Variants in SLC19A1 observed in about 807,000 individuals in gnomAD.
SLC19A1 encodes solute carrier family 19 member 1.
A neutral mutation model predicts 35.3 loss-of-function variants in SLC19A1; 37 were observed. That is an observed-to-expected ratio of 1.05 (90% CI 0.81 to 1.38). The LOEUF (loss-of-function observed/expected upper bound fraction) is 1.38, where lower values mean the gene tolerates loss of function less well. Ranked by LOEUF, SLC19A1 falls within the 40% of genes most tolerant of loss-of-function variation. The probability of loss-of-function intolerance (pLI) is 0.00; values close to 1 mark genes in which losing one functional copy is unlikely to be tolerated. For missense variants in SLC19A1, 831 were observed against 826.9 expected (o/e 1.00, Z -0.06); for synonymous variants, 460 against 398.5 (o/e 1.15, Z -1.84).
Position 45,531,534 on chromosome 21 carries a change from GC to G in SLC19A1, c.803del (p.Arg268ProfsTer60). On this transcript the variant is annotated frameshift_variant, in exon 3 of 6. Transcript: ENST00000311124. LOFTEE classifies it high-confidence loss of function. ...TGAAGACCCACCAGAGGGACCACAG[GC>G]GCAGCTGCGGCCGCCGCAGGCTGTC... is the stretch of plus-strand genomic sequence containing the variant. ...LGDSLRRPQL[R>X]LWSLWWVFNS... 6.2e-7 allele frequency: 1 copy of G among 1,612,560 alleles called. No individual in the cohort carries two copies. The highest frequency in any genetic ancestry group is 8.5e-7 in the Non-Finnish European group (1 of 1,179,738).
chr21:45,530,093 GTGTC>G lies in SLC19A1; in HGVS notation c.1151+673_1151+676del, dbSNP rs1424088513. On this transcript the variant is annotated intron_variant, in intron 4 of 5. Transcript: ENST00000311124. This position sits in a 1 kb window ranked among gnomAD's most constrained non-coding sequence, Gnocchi z 5.3. Reference sequence around the variant, plus strand: ...CATGTGGTGTGTGTTCGTGTGTGGTGTGTCTGTGTGGTGTATCCATCTGTGAGCG... The same window carrying G: ...CATGTGGTGTGTGTTCGTGTGTGGTGTGTGTGGTGTATCCATCTGTGAGCG... Among the ~76,000 whole-genome samples, 2 of 150,188 alleles carry G rather than the reference GTGTC, an allele frequency of 1.3e-5. No individual in the cohort carries two copies. Among genetic ancestry groups the G allele is most frequent in the Non-Finnish European group, 3.0e-5 (2 of 67,580 alleles).
chr21:45,537,662 C>T, intron 2 of SLC19A1, 109 bp downstream of exon 2: 1 of 1,055,660 alleles, frequency 9.5e-7, no homozygotes, highest in Non-Finnish European at 1.3e-6. Flanking sequence ...GCTCCCTGCC[C>T]ACCCACTGGC....
In SLC19A1 at chr21:45,515,841, C is replaced by T. The variant is rs758254807; in HGVS notation, c.1593G>A (p.Pro531=). Residue 531 remains proline (P), a synonymous_variant, in exon 6 of 6, where the codon CCG becomes CCA. Coordinates refer to ENST00000311124, the MANE Select transcript of SLC19A1 (RefSeq NM_194255.4). ...SDPYLAQAPA[P]QAAEFLSPVT... ...CTGGGCTCAGGAATTCAGCTGCCTGCGGGGCCGGGGCCTGGGCCAGGTATG... is the reference window on the plus strand; with the variant it reads ...CTGGGCTCAGGAATTCAGCTGCCTGTGGGGCCGGGGCCTGGGCCAGGTATG... The T allele has an allele frequency of 1.6e-5, 26 of 1,600,530 alleles. No homozygotes were observed. Among genetic ancestry groups the T allele is most frequent in the South Asian group, 4.5e-5 (4 of 89,644 alleles).
rs542309284 is a variant in SLC19A1, at chr21:45,550,421, C to T, written c.-50+12321G>A. ...TCTTCCCATGGGCCACCTGCCACCCCGTCCACAAGCACAAGTGAACGTTTC... is the reference window on the plus strand; with the variant it reads ...TCTTCCCATGGGCCACCTGCCACCCTGTCCACAAGCACAAGTGAACGTTTC... On this transcript the variant is annotated intron_variant, in intron 1 of 5. Coordinates refer to the SLC19A1 transcript ENST00000650808. Among the ~76,000 whole-genome samples the T allele has an allele frequency of 1.1e-3, 160 of 152,324 alleles. 6 individuals carry two copies. The South Asian group carries it at 0.024, about 23-fold the overall frequency.
Position 45,560,128 on chromosome 21 carries a change from G to C in SLC19A1, c.-50+2614C>G, listed in dbSNP as rs535118210. On this transcript the variant is annotated intron_variant, in intron 1 of 5. Transcript: ENST00000650808. Reference sequence around the variant, plus strand: ...TAGGGGAGCCCTGGGGTCACTCATGGAGCATAAACCGTGCAGCCTTCCTGG... The same window carrying C: ...TAGGGGAGCCCTGGGGTCACTCATGCAGCATAAACCGTGCAGCCTTCCTGG... Among the ~76,000 whole-genome samples the C allele has an allele frequency of 7.2e-5, 11 of 152,080 alleles. No homozygotes were observed. In the South Asian group the frequency reaches 1.9e-3, roughly 26 times the overall value.
At position 45,537,831 on chromosome 21, in the gene SLC19A1, T is replaced by G. The variant is rs1169444654; in HGVS notation, c.129A>C (p.Pro43=). 8 of 1,599,398 alleles carry G rather than the reference T, an allele frequency of 5.0e-6. No individual in the cohort carries two copies. In the African/African-American group the frequency reaches 1.1e-4, roughly 22 times the overall value. The change falls in exon 2 of 6, where the codon CCA becomes CCC. Residue 43 remains proline, a synonymous_variant. Coordinates refer to ENST00000311124, the MANE Select transcript of SLC19A1 (RefSeq NM_194255.4). ...CFYGFMAQIR[P]GESFITPYLL... ...GGTAGGGGGTGATGAAGCTCTCCCC[T>G]GGCCGTATCTGCGCCATGAAGCCGT...
downstream of SLC19A1, chr21:45,512,136 GC>G (rs1224809173): frequency 1.8e-5 from 29 of 1,569,808 alleles, no homozygotes; most frequent in Non-Finnish European, 2.5e-5. Context: ...AGCGGCCTCT[GC>G]CCTAAGCAGA....
chr21:45,503,887 G>C (rs972370449), intron 3 of SLC19A1: 1 of 900,390 alleles, frequency 1.1e-6, no homozygotes, highest in Admixed American at 1.9e-5. Context: ...AATTAAATAC[G>C]CGATCTCTAC....
intron 1 of SLC19A1, among the ~76,000 whole-genome samples, chr21:45,541,561 C>A (rs2078304417): frequency 6.6e-6 from 1 of 152,178 alleles, no homozygotes; most frequent in South Asian, 2.1e-4. Flanking sequence ...GGACAGGACC[C>A]TAGGGGGATG....
Position 45,517,027 on chromosome 21 carries a change from A to G in SLC19A1, c.1294-887T>C, listed in dbSNP as rs1426860941. On this transcript the variant is annotated intron_variant, in intron 5 of 5. Transcript: ENST00000311124. This position sits in a 1 kb window ranked among gnomAD's most constrained non-coding sequence, Gnocchi z 4.4. ...CTCTGAAAGCAGGAGCGAGGAGGACAGACTGACCAGGCCCTCGGGGTCTGG... is the reference window on the plus strand; with the variant it reads ...CTCTGAAAGCAGGAGCGAGGAGGACGGACTGACCAGGCCCTCGGGGTCTGG... Among the ~76,000 whole-genome samples, 1 of 152,218 alleles carries G rather than the reference A, an allele frequency of 6.6e-6. No homozygotes were observed. The highest frequency in any genetic ancestry group is 1.5e-5 in the Non-Finnish European group (1 of 68,030).
rs1472934719 is a variant in SLC19A1, at chr21:45,515,064, C to G, written c.*594G>C. Reference sequence around the variant, plus strand: ...GAGGAACCAGCTCCGAGGACCAGAGCCGCTGCTCCCCTCTGATGACAATGT... The same window carrying G: ...GAGGAACCAGCTCCGAGGACCAGAGGCGCTGCTCCCCTCTGATGACAATGT... On this transcript the variant is annotated 3_prime_UTR_variant, in exon 6 of 6. Coordinates refer to ENST00000311124, the MANE Select transcript of SLC19A1 (RefSeq NM_194255.4). 1.3e-6 allele frequency: 2 copies of G among 1,545,272 alleles called. No homozygotes were observed. Among genetic ancestry groups the G allele is most frequent in the East Asian group, 4.9e-5 (2 of 40,804 alleles).
Position 45,513,974 on chromosome 21 carries a change from C to G in SLC19A1, c.*1684G>C, listed in dbSNP as rs867711047. ...TGGACACACACCAACACTCTTAGGTCTCTCCTCACAGCAGGACCTGACTTG... is the reference window on the plus strand; with the variant it reads ...TGGACACACACCAACACTCTTAGGTGTCTCCTCACAGCAGGACCTGACTTG... On this transcript the variant is annotated 3_prime_UTR_variant, in exon 6 of 6. Transcript: ENST00000311124. The G allele has an allele frequency of 2.6e-5, 4 of 152,380 alleles. No individual in the cohort carries two copies. The highest frequency in any genetic ancestry group is 9.6e-5 in the African/African-American group (4 of 41,458). The allele number at this position is 152,380 out of a possible 1,614,324, so 9.4% of individuals were successfully genotyped here.
At chr21:45,555,891 C>T (rs1236230835) in intron 1 of SLC19A1, among the ~76,000 whole-genome samples, 4 of 151,648 alleles carry the variant, frequency 2.6e-5, no homozygotes, top group Non-Finnish European at 5.9e-5. Context: ...GACATCACCG[C>T]GACGCTGCGC....
At position 45,532,025 on chromosome 21, in the gene SLC19A1, A is replaced by C. The variant is rs1160614835; in HGVS notation, c.313T>G (p.Ser105Ala). 1 of 1,611,762 alleles carries C rather than the reference A, an allele frequency of 6.2e-7. No individual in the cohort carries two copies. The highest frequency in any genetic ancestry group is 1.7e-5 in the Admixed American group (1 of 59,990). Residue 105 changes from serine (S) to alanine (A), a missense_variant, in exon 3 of 6, where the codon TCG (serine) becomes GCG (alanine). Physicochemically the swap from Ser to Ala is moderately conservative, Grantham distance 99 (BLOSUM62 1). Coordinates refer to ENST00000311124, the MANE Select transcript of SLC19A1 (RefSeq NM_194255.4). ...VLLLQGLSFV[S>A]VWLLLLLGHS... ...CCCAGCAGCAGCAGCAGCCACACCG[A>C]CACGAAGCTGAGCCCCTGCAGCAGC...
At chr21:45,562,463 CTG>C (rs770202374) in intron 1 of SLC19A1, among the ~76,000 whole-genome samples, 49 of 152,160 alleles carry the variant, frequency 3.2e-4, no homozygotes, top group Non-Finnish European at 5.7e-4. Flanking sequence ...CATGAAACAA[CTG>C]AAAAAAACAG....
chr21:45,504,054 G>A lies in SLC19A1; in HGVS notation c.498-5442C>T, dbSNP rs777297147. On this transcript the variant is annotated intron_variant, in intron 3 of 4. Coordinates refer to the SLC19A1 transcript ENST00000417954. ...TTCTTCAGTTGGAGGCTGAAATGAA[G>A]GTGGGTGACCTCCCTGTGGGGTTGG... 6 of 1,613,532 alleles carry A rather than the reference G, an allele frequency of 3.7e-6. No individual in the cohort carries two copies. In the African/African-American group the frequency reaches 5.3e-5, roughly 14 times the overall value.
chr21:45,515,485 C>T lies in SLC19A1; in HGVS notation c.*173G>A, dbSNP rs765527609. ...ATGGCCAGGCAGCTGCCCTGAGTGTCGCCAGCACGCTGTGGCCACCGCCAG... is the reference window on the plus strand; with the variant it reads ...ATGGCCAGGCAGCTGCCCTGAGTGTTGCCAGCACGCTGTGGCCACCGCCAG... On this transcript the variant is annotated 3_prime_UTR_variant, in exon 6 of 6. Transcript: ENST00000311124. 52 of 1,501,218 alleles carry T rather than the reference C, an allele frequency of 3.5e-5. No homozygotes were observed. Among genetic ancestry groups the T allele is most frequent in the East Asian group, 6.8e-5 (3 of 43,956 alleles). 93.0% of individuals were successfully genotyped at this position (1,501,218 alleles called of 1,614,324 possible).
chr21:45,542,067 C>A (rs2078324959), intron 1 of SLC19A1, among the ~76,000 whole-genome samples: 2 of 144,002 alleles, frequency 1.4e-5, no homozygotes, highest in Non-Finnish European at 1.5e-5. Context: ...AGGCTGCAGA[C>A]CGCAGACCCC....
chr21:45,525,946 T>A lies in SLC19A1; in HGVS notation c.1164A>T (p.Ala388=). The change falls in exon 5 of 6, where the codon GCA becomes GCT. Residue 388 remains alanine (A), a synonymous_variant. Coordinates refer to ENST00000311124, the MANE Select transcript of SLC19A1 (RefSeq NM_194255.4). Reference sequence around the variant, plus strand: ...CACAGAGCTCTTTAGACAGAGAAGATGCAATCTGAAAGCTGAACGGGAAGA... The same window carrying A: ...CACAGAGCTCTTTAGACAGAGAAGAAGCAATCTGAAAGCTGAACGGGAAGA... ...FLVPIATFQI[A]SSLSKELCAL... is the part of the protein sequence containing the mutation. The A allele has an allele frequency of 6.2e-7, 1 of 1,613,262 alleles. No individual in the cohort carries two copies. The highest frequency in any genetic ancestry group is 8.5e-7 in the Non-Finnish European group (1 of 1,179,876).
Sources: allele counts gnomAD v4.1 joint callset (sites outside exome capture counted in the v4.1 genomes callset), GRCh38; gene constraint gnomAD v4.1.1; non-coding constraint Gnocchi (gnomAD v3.1); transcripts MANE v1.5; gene names NCBI Gene and HGNC (gene_info 2026-07-23, HGNC 2026-07-21).